The following SLC10A7 variants were observed in gnomAD, a reference collection of about 807,000 sequenced individuals.
SLC10A7 encodes sodium/bile acid cotransporter 7.
In SLC10A7, 29 loss-of-function variants were observed where a neutral mutation model predicts 43.2. The ratio of observed to expected loss-of-function variants is 0.67; its 90% CI spans 0.50 to 0.92. The LOEUF (loss-of-function observed/expected upper bound fraction) is 0.92, where lower values mean the gene tolerates loss of function less well. Among genes scored for constraint, SLC10A7 ranks in the 40% least tolerant of loss-of-function variants. The pLI is 0.00. For missense variants in SLC10A7, 295 were observed against 403.2 expected, an observed-to-expected ratio of 0.73 and a Z score of 2.30; for synonymous variants, 152 against 144.8, an observed-to-expected ratio of 1.05 and a Z score of -0.35.
At chr4:146,293,433 A>G (rs934600620) in intron 8 of SLC10A7, among the ~76,000 whole-genome samples, 5 of 152,202 alleles carry the variant, frequency 3.3e-5, no homozygotes, top group African/African-American at 9.6e-5. Flanking sequence ...CCTGCATTTT[A>G]TAGTCTGCTG....
At chr4:146,518,537 C>T (rs1426602226) in intron 1 of SLC10A7, among the ~76,000 whole-genome samples, 1 of 152,030 alleles carries the variant, frequency 6.6e-6, no homozygotes, top group African/African-American at 2.4e-5. Context: ...TCTTCTTGTA[C>T]TAGATTAAAT....
chr4:146,382,397 A>G (rs1028601342), intron 5 of SLC10A7, among the ~76,000 whole-genome samples: 3 of 152,110 alleles, frequency 2.0e-5, no homozygotes, highest in African/African-American at 7.2e-5. Context: ...TGTTTCACCC[A>G]ATAGACTACA....
chr4:146,467,002 T>C (rs1377917508), intron 4 of SLC10A7, among the ~76,000 whole-genome samples: 1 of 152,206 alleles, frequency 6.6e-6, no homozygotes, highest in African/African-American at 2.4e-5. Context: ...TCTCTGGTAG[T>C]AAGCTTGGAT....
At chr4:146,344,804 T>C (rs1734505289) in intron 5 of SLC10A7, among the ~76,000 whole-genome samples, 1 of 152,094 alleles carries the variant, frequency 6.6e-6, no homozygotes, top group South Asian at 2.1e-4. Flanking sequence ...TTTGGGAAAA[T>C]ATAGTGATAT....
chr4:146,359,824 C>A (rs1735918272), intron 5 of SLC10A7, among the ~76,000 whole-genome samples: 1 of 151,882 alleles, frequency 6.6e-6, no homozygotes, highest in South Asian at 2.1e-4. Flanking sequence ...TATGGTAATC[C>A]ATCCAATGAT....
intron 5 of SLC10A7, among the ~76,000 whole-genome samples, chr4:146,363,113 C>CA (rs1736162722): frequency 6.6e-6 from 1 of 151,794 alleles, no homozygotes; most frequent in South Asian, 2.1e-4. Context: ...ATGCTGCCTA[C>CA]AAAAAACTCA....
chr4:146,351,913 A>G (rs1278738114), intron 5 of SLC10A7, among the ~76,000 whole-genome samples: 1 of 131,832 alleles, frequency 7.6e-6, no homozygotes, highest in Non-Finnish European at 1.6e-5. Flanking sequence ...AACAACCAGT[A>G]CCAGCCGCTG....
chr4:146,444,939 T>C (rs1377145059), intron 4 of SLC10A7, among the ~76,000 whole-genome samples: 1 of 152,174 alleles, frequency 6.6e-6, no homozygotes, highest in Non-Finnish European at 1.5e-5. Context: ...GAAAGAACCA[T>C]GATTTCCAGA....
At chr4:146,384,070 A>G (rs915575174) in intron 5 of SLC10A7, among the ~76,000 whole-genome samples, 1 of 152,112 alleles carries the variant, frequency 6.6e-6, no homozygotes, top group Non-Finnish European at 1.5e-5. Flanking sequence ...GAGATCTAAC[A>G]CTATATTTAT....
At chr4:146,294,976 C>T (rs1730682219) in intron 7 of SLC10A7, among the ~76,000 whole-genome samples, 1 of 152,088 alleles carries the variant, frequency 6.6e-6, no homozygotes, top group Non-Finnish European at 1.5e-5. Context: ...CATTATCCTG[C>T]ATAATTGAAC....
intron 4 of SLC10A7, among the ~76,000 whole-genome samples, chr4:146,474,086 A>T (rs1449393710): frequency 6.6e-6 from 1 of 151,790 alleles, no homozygotes; most frequent in African/African-American, 2.4e-5. Flanking sequence ...TATGTTGAAG[A>T]AAGTTGTTCT....
At position 146,521,840 on chromosome 4, in the gene SLC10A7, G is replaced by C. The variant is rs1738718584; in HGVS notation, c.-123C>G. On this transcript the variant is annotated 5_prime_UTR_variant, in exon 1 of 12. Coordinates refer to ENST00000335472, the MANE Select transcript of SLC10A7 (RefSeq NM_001029998.6). ...TCCCTCCAGACATGCAGCAGAGCAAGTCAAATTGCCGATTGTAAAGTAAAG... is the reference window on the plus strand; with the variant it reads ...TCCCTCCAGACATGCAGCAGAGCAACTCAAATTGCCGATTGTAAAGTAAAG... 1.3e-6 allele frequency: 1 copy of C among 774,784 alleles called. No homozygotes were observed. The highest frequency in any genetic ancestry group is 1.7e-5 in the South Asian group (1 of 57,768). 48.0% of individuals were successfully genotyped at this position (774,784 alleles called of 1,614,324 possible). A position where few individuals can be genotyped will look rare whatever the true frequency, so the allele number is the denominator to read the frequency against.
At chr4:146,390,929 A>C (rs1388832400) in intron 5 of SLC10A7, among the ~76,000 whole-genome samples, 1 of 152,218 alleles carries the variant, frequency 6.6e-6, no homozygotes, top group Non-Finnish European at 1.5e-5. Context: ...TTTAGAAGAA[A>C]CTAACGCTCA....
intron 2 of SLC10A7, among the ~76,000 whole-genome samples, chr4:146,511,021 A>T (rs1466823901): frequency 6.6e-6 from 1 of 152,220 alleles, no homozygotes; most frequent in East Asian, 1.9e-4. Flanking sequence ...CAAGAATCTC[A>T]GTAAGTAAAT....
At chr4:146,423,745 C>T (rs1358564883) in intron 5 of SLC10A7, among the ~76,000 whole-genome samples, 1 of 152,042 alleles carries the variant, frequency 6.6e-6, no homozygotes, top group Non-Finnish European at 1.5e-5. Context: ...ACATTTATTC[C>T]AGCTATTCTG....
chr4:146,278,447 G>A (rs551888761), intron 10 of SLC10A7, among the ~76,000 whole-genome samples: 6 of 152,112 alleles, frequency 3.9e-5, no homozygotes, highest in Middle Eastern at 3.4e-3. Flanking sequence ...ATTTTTAGCC[G>A]AAGTTGTAGG....
rs553046907 is a variant in SLC10A7 at position 146,416,358 on chromosome 4, G to A, written c.435+26425C>T. 3.0e-4 allele frequency among the ~76,000 whole-genome samples: 45 copies of A among 152,152 alleles called. No individual in the cohort carries two copies. The Middle Eastern group carries it at 0.01, about 35-fold the overall frequency. Reference sequence around the variant, plus strand: ...TTCAAAAGACTGGAGAGTATATGACGTACTTTAAAATATTTGTATTTAATA... The same window carrying A: ...TTCAAAAGACTGGAGAGTATATGACATACTTTAAAATATTTGTATTTAATA... On this transcript the variant is annotated intron_variant, in intron 5 of 11. Coordinates refer to ENST00000335472, the MANE Select transcript of SLC10A7 (RefSeq NM_001029998.6).
At chr4:146,493,956 C>T (rs546352144) in intron 4 of SLC10A7, among the ~76,000 whole-genome samples, 2 of 152,266 alleles carry the variant, frequency 1.3e-5, no homozygotes, top group African/African-American at 4.8e-5. Flanking sequence ...ACTCGACATA[C>T]GTTTTTGAAT....
intron 5 of SLC10A7, among the ~76,000 whole-genome samples, chr4:146,410,605 T>C (rs1420399656): frequency 6.6e-6 from 1 of 152,160 alleles, no homozygotes; most frequent in Non-Finnish European, 1.5e-5. Flanking sequence ...TTGTCCAAAG[T>C]TACCTAGTTT....
Sources: gnomAD v4.1 joint callset for allele counts (sites outside exome capture counted in the v4.1 genomes callset) on GRCh38, gnomAD v4.1.1 for gene constraint, MANE v1.5 for transcripts, NCBI Gene and HGNC (gene_info 2026-07-23, HGNC 2026-07-21) for gene names.